MGAT5: variants seen among roughly 807,000 people sequenced by gnomAD.
MGAT5 encodes alpha-1,6-mannosylglycoprotein 6-beta-N-acetylglucosaminyltransferase A.
Under a neutral mutation model 94.3 loss-of-function variants are expected in MGAT5, and 30 were observed. That is an observed-to-expected ratio of 0.32 (90% CI 0.24 to 0.43). The LOEUF (loss-of-function observed/expected upper bound fraction) is 0.43, where lower values mean the gene tolerates loss of function less well. Ranked by LOEUF, MGAT5 falls within the 20% of genes least tolerant of loss-of-function variation. MGAT5 has a pLI of 1.00. For missense variants in MGAT5, 691 were observed against 905.5 expected (o/e 0.76, Z 3.04); for synonymous variants, 310 against 322.9 (o/e 0.96, Z 0.43).
chr2:134,438,014 C>CCAAA (rs1553466966), intron 14 of MGAT5, among the ~76,000 whole-genome samples: 1 of 101,294 alleles, frequency 9.9e-6, no homozygotes, highest in Non-Finnish European at 2.2e-5. Context: ...GACTCCGTCT[C>CCAAA]AAAAAAAAAA....
chr2:134,320,899 G>A (rs1284319730), intron 4 of MGAT5, among the ~76,000 whole-genome samples: 1 of 152,080 alleles, frequency 6.6e-6, no homozygotes, highest in Non-Finnish European at 1.5e-5. Context: ...CTTTTTGGGG[G>A]TTCCAACCGG....
chr2:134,262,027 G>A (rs759386298), intron 1 of MGAT5, among the ~76,000 whole-genome samples: 3 of 152,286 alleles, frequency 2.0e-5, no homozygotes, highest in East Asian at 1.9e-4. Flanking sequence ...TCTGTTGGGC[G>A]GATGGAACAC....
intron 1 of MGAT5, among the ~76,000 whole-genome samples, chr2:134,127,877 T>A (rs1042339941): frequency 6.6e-6 from 1 of 152,134 alleles, no homozygotes; most frequent in Non-Finnish European, 1.5e-5. Context: ...GATTCCTAGG[T>A]GTGTTCCTGA....
chr2:134,206,891 C>A (rs1050862413), intron 1 of MGAT5, among the ~76,000 whole-genome samples: 2 of 152,186 alleles, frequency 1.3e-5, no homozygotes, highest in African/African-American at 4.8e-5. Flanking sequence ...TTCGCTTCTA[C>A]CCAGTGATAC....
At chr2:134,173,211 C>A (rs915138553) in intron 1 of MGAT5, among the ~76,000 whole-genome samples, 1 of 152,182 alleles carries the variant, frequency 6.6e-6, no homozygotes, top group Non-Finnish European at 1.5e-5. Flanking sequence ...ATATATACAT[C>A]CCACACCCTG....
chr2:134,375,248 G>A (rs1437296097), intron 10 of MGAT5, among the ~76,000 whole-genome samples: 1 of 152,194 alleles, frequency 6.6e-6, no homozygotes, highest in African/African-American at 2.4e-5. Flanking sequence ...TTCCTCAGGT[G>A]GTCAGGATTT....
In MGAT5 at chr2:134,358,189, CT is replaced by C. The variant is rs11385683; in HGVS notation, c.1247-4073del. Among the ~76,000 whole-genome samples the C allele has an allele frequency of 4.1e-3, 593 of 144,564 alleles. 1 individual carries two copies. The highest frequency in any genetic ancestry group is 0.011 in the African/African-American group (449 of 39,574). The allele number at this position is 144,564 out of a possible 152,430, so 94.8% of individuals were successfully genotyped here. A position where few individuals can be genotyped will look rare whatever the true frequency, so the allele number is the denominator to read the frequency against. On this transcript the variant is annotated intron_variant, in intron 9 of 15. Transcript: ENST00000281923. ...GTCCTCTCTCTATCCATCACTCCAC[CT>C]TTTTTTTTTTTTGGATGCATAAAAG...
At chr2:134,332,678 C>A (rs1426624728) in intron 4 of MGAT5, among the ~76,000 whole-genome samples, 8 of 152,098 alleles carry the variant, frequency 5.3e-5, no homozygotes, top group Non-Finnish European at 2.9e-5. Flanking sequence ...AAAATTTTCA[C>A]AACCTACTCA....
intron 12 of MGAT5, among the ~76,000 whole-genome samples, chr2:134,421,349 T>C (rs1447008209): frequency 6.6e-6 from 1 of 152,136 alleles, no homozygotes; most frequent in African/African-American, 2.4e-5. Context: ...CTTTGGGGGC[T>C]GAGACAGGTG....
At chr2:134,292,159 G>A (rs955739591) in intron 2 of MGAT5, among the ~76,000 whole-genome samples, 6 of 152,150 alleles carry the variant, frequency 3.9e-5, no homozygotes, top group South Asian at 2.1e-4. Flanking sequence ...TATCAATTTA[G>A]TGAATGTCAT....
At chr2:134,335,284 A>G (rs963502398) in intron 4 of MGAT5, among the ~76,000 whole-genome samples, 3 of 152,200 alleles carry the variant, frequency 2.0e-5, no homozygotes, top group East Asian at 3.9e-4. Context: ...TTATAGATCT[A>G]CCTGGCCATA....
chr2:134,448,583 G>A, intron 15 of MGAT5, 66 bp from the exon 16 acceptor site: 2 of 1,476,102 alleles, frequency 1.4e-6, no homozygotes, highest in Non-Finnish European at 1.9e-6. Flanking sequence ...GGGCTCACAG[G>A]GCCAGTGACG....
intron 1 of MGAT5, among the ~76,000 whole-genome samples, chr2:134,217,626 T>C (rs1055114629): frequency 4.6e-5 from 7 of 152,230 alleles, no homozygotes; most frequent in Non-Finnish European, 8.8e-5. Flanking sequence ...TTGGGTGATT[T>C]CCCAAATAGA....
At chr2:134,338,523 T>G in intron 6 of MGAT5, 103 bp downstream of exon 6, 2 of 1,287,068 alleles carry the variant, frequency 1.6e-6, no homozygotes, top group Non-Finnish European at 2.1e-6. Flanking sequence ...TCAAATGATA[T>G]TCTCTCAGGG....
intron 2 of MGAT5, among the ~76,000 whole-genome samples, chr2:134,270,928 A>G (rs1435129948): frequency 6.6e-6 from 1 of 152,176 alleles, no homozygotes; most frequent in African/African-American, 2.4e-5. Flanking sequence ...TCTGTTACGT[A>G]TAATAGGTTC....
At position 134,373,808 on chromosome 2, in the gene MGAT5, C is replaced by T. The variant is rs146222586; in HGVS notation, c.1380+11400C>T. Among the ~76,000 whole-genome samples, 27 of 152,338 alleles carry T rather than the reference C, an allele frequency of 1.8e-4. No individual in the cohort carries two copies. The East Asian group carries it at 5.2e-3, about 29-fold the overall frequency. Reference sequence around the variant, plus strand: ...AGACAGTCAAGGGCACTGCCACCCTCCCAACTCGATGAAGCCTTCTCAGCT... The same window carrying T: ...AGACAGTCAAGGGCACTGCCACCCTTCCAACTCGATGAAGCCTTCTCAGCT... On this transcript the variant is annotated intron_variant, in intron 10 of 15. Transcript: ENST00000281923.
At chr2:134,138,075 C>G (rs1011769869) in intron 1 of MGAT5, among the ~76,000 whole-genome samples, 3 of 151,600 alleles carry the variant, frequency 2.0e-5, no homozygotes, top group Non-Finnish European at 2.9e-5. Context: ...TCACTGGTCT[C>G]AAACTCGTGG....
intron 1 of MGAT5, among the ~76,000 whole-genome samples, chr2:134,169,423 CACACACACACACACACATAT>C (rs1448426109): frequency 2.0e-5 from 3 of 151,206 alleles, no homozygotes; most frequent in African/African-American, 7.3e-5. Context: ...GACACACACA[CACACACACACACACACATAT>C]ATAAAAGATT....
intron 4 of MGAT5, among the ~76,000 whole-genome samples, chr2:134,329,895 G>C (rs13402057): frequency 5.3e-5 from 8 of 152,098 alleles, no homozygotes; most frequent in Non-Finnish European, 1.0e-4. Context: ...ACTTACATGA[G>C]TAGACATCCT....
Sources: gnomAD v4.1 joint callset for allele counts (sites outside exome capture counted in the v4.1 genomes callset) on GRCh38, gnomAD v4.1.1 for gene constraint, MANE v1.5 for transcripts, NCBI Gene and HGNC (gene_info 2026-07-23, HGNC 2026-07-21) for gene names.